TNFRSF21: variants seen among roughly 807,000 people sequenced by gnomAD.
The protein encoded by TNFRSF21 is tumor necrosis factor receptor superfamily member 21.
A neutral mutation model predicts 45.6 loss-of-function variants in TNFRSF21; 19 were observed. The observed-to-expected ratio is 0.42, with a 90% CI of 0.29 to 0.61. The LOEUF (loss-of-function observed/expected upper bound fraction) is 0.61. Among genes scored for constraint, TNFRSF21 ranks in the 20% least tolerant of loss-of-function variants. The pLI is 0.23. For missense variants in TNFRSF21, 737 were observed against 851.5 expected (o/e 0.87, Z 1.67); for synonymous variants, 314 against 335.5 (o/e 0.94, Z 0.70).
At chr6:47,256,182 TG>T (rs1362883789) in intron 3 of TNFRSF21, among the ~76,000 whole-genome samples, 1 of 152,140 alleles carries the variant, frequency 6.6e-6, no homozygotes, top group Non-Finnish European at 1.5e-5. Context: ...CCACTGAAAA[TG>T]GTTTTCAAAA....
At chr6:47,256,847 G>A (rs1046107488) in intron 3 of TNFRSF21, among the ~76,000 whole-genome samples, 6 of 152,132 alleles carry the variant, frequency 3.9e-5, no homozygotes, top group Non-Finnish European at 8.8e-5. Context: ...GGTCCACAGT[G>A]TCTTACATGA....
intron 1 of TNFRSF21, among the ~76,000 whole-genome samples, chr6:47,301,405 A>C (rs1322470470): frequency 6.6e-6 from 1 of 152,242 alleles, no homozygotes; most frequent in Non-Finnish European, 1.5e-5. Context: ...CCAGGTCTGC[A>C]AGGTTTAAAC....
At chr6:47,280,874 C>T (rs1762557199) in intron 3 of TNFRSF21, among the ~76,000 whole-genome samples, 1 of 152,118 alleles carries the variant, frequency 6.6e-6, no homozygotes, top group African/African-American at 2.4e-5. Flanking sequence ...AATGCAACTA[C>T]TAAAGGAATG....
Position 47,284,290 on chromosome 6 carries a change from T to G in TNFRSF21, c.891A>C (p.Val297=). The change falls in exon 3 of 6, where the codon GTA becomes GTC. Residue 297 remains valine (V), a synonymous_variant. Transcript: ENST00000296861. ...DVNKTLPNLQ[V]VNHQQGPHHR... ...GGTGGGGGCCTTGCTGGTGGTTGAC[T>G]ACCTGAAGGTTTGGGAGGGTCTTGT... 3 of 1,610,450 alleles carry G rather than the reference T, an allele frequency of 1.9e-6. No homozygotes were observed. The highest frequency in any genetic ancestry group is 2.5e-6 in the Non-Finnish European group (3 of 1,178,234).
intron 1 of TNFRSF21, among the ~76,000 whole-genome samples, chr6:47,292,322 A>T (rs1762739948): frequency 6.6e-6 from 1 of 152,038 alleles, no homozygotes; most frequent in Non-Finnish European, 1.5e-5. Flanking sequence ...ACTAGATCGG[A>T]GGCTCACCAA....
intron 3 of TNFRSF21, among the ~76,000 whole-genome samples, chr6:47,263,751 T>A (rs1762282938): frequency 6.6e-6 from 1 of 152,250 alleles, no homozygotes; most frequent in South Asian, 2.1e-4. Context: ...CCATATTTAC[T>A]AATTCTAAGA....
chr6:47,237,378 G>A (rs552268365), intron 4 of TNFRSF21, among the ~76,000 whole-genome samples: 6 of 152,238 alleles, frequency 3.9e-5, no homozygotes, highest in Admixed American at 6.5e-5. Context: ...TACTGCTACC[G>A]TACTAGGCAT....
intron 4 of TNFRSF21, among the ~76,000 whole-genome samples, chr6:47,245,931 T>C (rs9463313): frequency 0.36 from 54,243 of 152,002 alleles, 11,691 homozygotes; most frequent in African/African-American, 0.57. Context: ...GCAGTGGTGA[T>C]AGGGGGAGGT....
chr6:47,253,180 TCCCATACAA>T, intron 4 of TNFRSF21, 67 bp downstream of exon 4: 1 of 1,523,186 alleles, frequency 6.6e-7, no homozygotes, highest in Non-Finnish European at 8.9e-7. Flanking sequence ...TTTTCTTTGT[TCCCATACAA>T]CTGATAAAAT....
intron 1 of TNFRSF21, among the ~76,000 whole-genome samples, chr6:47,297,792 G>T (rs1224044796): frequency 6.6e-6 from 1 of 152,132 alleles, no homozygotes; most frequent in Admixed American, 6.5e-5. Flanking sequence ...CAAAATGCTG[G>T]CATCACAGAT....
chr6:47,254,437 A>G (rs1054682352), intron 3 of TNFRSF21, among the ~76,000 whole-genome samples: 9 of 152,238 alleles, frequency 5.9e-5, no homozygotes, highest in African/African-American at 1.7e-4. Flanking sequence ...TTGGAAAGCT[A>G]AACTGTGGAT....
At chr6:47,240,669 T>G (rs1172799609) in intron 4 of TNFRSF21, among the ~76,000 whole-genome samples, 1 of 152,192 alleles carries the variant, frequency 6.6e-6, no homozygotes, top group Non-Finnish European at 1.5e-5. Context: ...CACAGGGCAT[T>G]GCCCGAGCCC....
At chr6:47,265,123 TAGA>T (rs550171088) in intron 3 of TNFRSF21, among the ~76,000 whole-genome samples, 2 of 152,202 alleles carry the variant, frequency 1.3e-5, no homozygotes, top group Non-Finnish European at 2.9e-5. Context: ...GAGTTCAGAT[TAGA>T]AGGACTCCAT....
chr6:47,278,544 T>C (rs143499854), intron 3 of TNFRSF21, among the ~76,000 whole-genome samples: 105 of 152,306 alleles, frequency 6.9e-4, no homozygotes, highest in African/African-American at 2.4e-3. Flanking sequence ...GGTTACCATA[T>C]GTGCTAGCTC....
chr6:47,258,376 GA>G (rs1487382825), intron 3 of TNFRSF21, among the ~76,000 whole-genome samples: 2 of 140,956 alleles, frequency 1.4e-5, no homozygotes, highest in East Asian at 2.1e-4. Context: ...TCAAAAAAAA[GA>G]AAAAAATAAA....
chr6:47,261,080 C>T (rs552770408), intron 3 of TNFRSF21, among the ~76,000 whole-genome samples: 1 of 152,252 alleles, frequency 6.6e-6, no homozygotes, highest in East Asian at 1.9e-4. Flanking sequence ...CTCAAGACAG[C>T]CTCCCTTCTA....
chr6:47,295,440 T>A (rs1762779203), intron 1 of TNFRSF21, among the ~76,000 whole-genome samples: 1 of 152,072 alleles, frequency 6.6e-6, no homozygotes, highest in South Asian at 2.1e-4. Context: ...TGCCTATGAG[T>A]TTGTTGTAGA....
In TNFRSF21 at chr6:47,284,254, G is replaced by A. The variant is rs1258152464; in HGVS notation, c.927C>T (p.Ile309=). 1 of 1,613,644 alleles carries A rather than the reference G, an allele frequency of 6.2e-7. No homozygotes were observed. Among genetic ancestry groups the A allele is most frequent in the Admixed American group, 1.7e-5 (1 of 60,012 alleles). ...CCTCCATGGACGGCAGCAGCTTCAGGATGTGTCTGTGGTGGGGGCCTTGCT... is the reference window on the plus strand; with the variant it reads ...CCTCCATGGACGGCAGCAGCTTCAGAATGTGTCTGTGGTGGGGGCCTTGCT... ...NHQQGPHHRH[I]LKLLPSMEAT... Residue 309 remains isoleucine (I), a synonymous_variant, in exon 3 of 6, where the codon ATC becomes ATT. Coordinates refer to ENST00000296861, the MANE Select transcript of TNFRSF21 (RefSeq NM_014452.5).
At chr6:47,257,353 A>G (rs957576582) in intron 3 of TNFRSF21, among the ~76,000 whole-genome samples, 3 of 152,242 alleles carry the variant, frequency 2.0e-5, no homozygotes, top group Non-Finnish European at 2.9e-5. Flanking sequence ...ATTCTCTACT[A>G]TGAAAACATG....
Sources: allele counts gnomAD v4.1 joint callset (sites outside exome capture counted in the v4.1 genomes callset), GRCh38; gene constraint gnomAD v4.1.1; transcripts MANE v1.5; gene names NCBI Gene and HGNC (gene_info 2026-07-23, HGNC 2026-07-21).